WDPCP: variants seen among roughly 807,000 people sequenced by gnomAD.
The protein encoded by WDPCP is WD repeat containing planar cell polarity effector.
WDPCP carries 71 observed loss-of-function variants against 93.1 expected under a neutral mutation model. The observed-to-expected ratio is 0.76, with a 90% CI of 0.63 to 0.93. The LOEUF is 0.93. Ranked by LOEUF, WDPCP falls within the 40% of genes least tolerant of loss-of-function variation. WDPCP has a pLI of 0.00. For missense variants in WDPCP, 844 were observed against 887.4 expected, an observed-to-expected ratio of 0.95 and a Z score of 0.62; for synonymous variants, 315 against 315.0, an observed-to-expected ratio of 1.00 and a Z score of 0.00.
chr2:63,455,648 A>G (rs1698574837), intron 6 of WDPCP, among the ~76,000 whole-genome samples: 1 of 152,204 alleles, frequency 6.6e-6, no homozygotes, highest in Admixed American at 6.5e-5. Context: ...CTAAATATAT[A>G]TGCAACCAAC....
upstream of WDPCP, among the ~76,000 whole-genome samples, chr2:63,828,473 G>C (rs1026213251): frequency 1.3e-5 from 2 of 152,000 alleles, no homozygotes; most frequent in African/African-American, 4.8e-5. Flanking sequence ...TATCTATGTG[G>C]GGAGAGACCG....
At chr2:63,245,787 C>T (rs1274453664) in intron 14 of WDPCP, among the ~76,000 whole-genome samples, 1 of 151,984 alleles carries the variant, frequency 6.6e-6, no homozygotes, top group Non-Finnish European at 1.5e-5. Flanking sequence ...TAATTATGGG[C>T]ACATAATAGT....
intron 1 of WDPCP, among the ~76,000 whole-genome samples, chr2:63,546,190 CA>C (rs1327863836): frequency 6.6e-6 from 1 of 152,176 alleles, no homozygotes; most frequent in African/African-American, 2.4e-5. Flanking sequence ...AATGGGGTAA[CA>C]CTCATTACTG....
chr2:63,336,342 G>T (rs1688363040), intron 12 of WDPCP, among the ~76,000 whole-genome samples: 2 of 152,104 alleles, frequency 1.3e-5, no homozygotes, highest in Admixed American at 1.3e-4. Context: ...CAATTTAGGT[G>T]CTATTTCTTT....
At chr2:63,830,822 TTC>T (rs1413392918), upstream of WDPCP, among the ~76,000 whole-genome samples, 2 of 152,222 alleles carry the variant, frequency 1.3e-5, no homozygotes, top group Admixed American at 1.3e-4. Flanking sequence ...CACTTTTCTA[TTC>T]TGTGTCTTCT....
At chr2:63,819,170 A>C (rs181092282) in intron 1 of WDPCP, among the ~76,000 whole-genome samples, 1 of 152,160 alleles carries the variant, frequency 6.6e-6, no homozygotes, top group Non-Finnish European at 1.5e-5. Context: ...TCTGGGTTCA[A>C]ATCTTGGTTA....
In WDPCP at chr2:63,733,484, G is replaced by A. The variant is rs1430255309; in HGVS notation, n.308+80138C>T. ...CCCAAAGTGCTGGGATTACAGGCGT[G>A]AGCCACCGCGCCCGGCCGCCAAATA... On this transcript the variant is annotated intron_variant and non_coding_transcript_variant, in intron 2 of 4. Transcript: ENST00000467687. 3.4e-5 allele frequency among the ~76,000 whole-genome samples: 5 copies of A among 146,670 alleles called. 1 individual carries two copies. The highest frequency in any genetic ancestry group is 1.0e-4 in the African/African-American group (4 of 39,884).
chr2:63,390,133 G>C (rs1319285916), intron 10 of WDPCP, among the ~76,000 whole-genome samples: 1 of 151,922 alleles, frequency 6.6e-6, no homozygotes, highest in Non-Finnish European at 1.5e-5. Flanking sequence ...TAAAATTGAC[G>C]ACATAATTAG....
chr2:63,177,864 T>C (rs892622121), intron 14 of WDPCP, among the ~76,000 whole-genome samples: 9 of 152,162 alleles, frequency 5.9e-5, no homozygotes, highest in African/African-American at 2.2e-4. Flanking sequence ...TTTTCATGTA[T>C]AGCCTTTATT....
At chr2:63,641,180 T>C (rs1709976676) in intron 3 of WDPCP, among the ~76,000 whole-genome samples, 1 of 152,210 alleles carries the variant, frequency 6.6e-6, no homozygotes, top group Non-Finnish European at 1.5e-5. Context: ...TAGTACTCCA[T>C]TGTGTATATG....
At chr2:63,217,962 G>T (rs1677491896) in intron 14 of WDPCP, among the ~76,000 whole-genome samples, 1 of 152,172 alleles carries the variant, frequency 6.6e-6, no homozygotes, top group African/African-American at 2.4e-5. Flanking sequence ...CCTTAAGGTT[G>T]CCTCTGTGGA....
At chr2:63,434,013 G>C (rs1281281586) in intron 8 of WDPCP, 77 bp from the exon 9 acceptor site, 3 of 1,454,346 alleles carry the variant, frequency 2.1e-6, no homozygotes, top group Non-Finnish European at 2.8e-6. Context: ...AAAAATTAAA[G>C]CATCTGGAAA....
chr2:63,418,474 A>G (rs1695593607), intron 9 of WDPCP, among the ~76,000 whole-genome samples: 1 of 152,220 alleles, frequency 6.6e-6, no homozygotes, highest in Admixed American at 6.5e-5. Flanking sequence ...TCCATGAGGC[A>G]TGCTTATTGT....
chr2:63,490,279 G>C (rs1700802834), intron 2 of WDPCP, among the ~76,000 whole-genome samples: 1 of 152,058 alleles, frequency 6.6e-6, no homozygotes, highest in Admixed American at 6.6e-5. Flanking sequence ...TTAATTTCCT[G>C]ATTTCAATGG....
chr2:63,507,551 C>A (rs1416582669), intron 1 of WDPCP, among the ~76,000 whole-genome samples: 1 of 151,814 alleles, frequency 6.6e-6, no homozygotes, highest in Non-Finnish European at 1.5e-5. Context: ...ATATAGAATC[C>A]AGGAAGGGAA....
chr2:63,588,387 T>G lies in WDPCP; in HGVS notation c.-116A>C, dbSNP rs1244731535. 3 of 1,226,766 alleles carry G rather than the reference T, an allele frequency of 2.4e-6. No homozygotes were observed. Among genetic ancestry groups the G allele is most frequent in the African/African-American group, 1.5e-5 (1 of 66,774 alleles). The allele number at this position is 1,226,766 out of a possible 1,614,324, so 76.0% of individuals were successfully genotyped here. On this transcript the variant is annotated 5_prime_UTR_variant, in exon 1 of 18. Coordinates refer to ENST00000272321, the MANE Select transcript of WDPCP (RefSeq NM_015910.7). ...GGACGCCGCCGCCGCCGCCACAGTT[T>G]CCTCAGGTGCTACAAAGCAGCCAGG...
chr2:63,605,271 C>A, intron 3 of WDPCP: 2 of 1,587,392 alleles, frequency 1.3e-6, no homozygotes, highest in South Asian at 2.2e-5. Context: ...TCACCTGCCC[C>A]CTTCCCAGAC....
At chr2:63,661,101 T>G (rs1209239107) in intron 2 of WDPCP, among the ~76,000 whole-genome samples, 1 of 152,208 alleles carries the variant, frequency 6.6e-6, no homozygotes, top group Non-Finnish European at 1.5e-5. Context: ...TCCCCAAAAT[T>G]TACTGGCTTA....
chr2:63,382,228 T>C, intron 10 of WDPCP, 134 bp from the exon 11 acceptor site: 1 of 798,518 alleles, frequency 1.3e-6, no homozygotes, highest in Non-Finnish European at 2.0e-6. Context: ...GATCTCCTTC[T>C]CAACTAATAT....
Sources: gnomAD v4.1 joint callset for allele counts (sites outside exome capture counted in the v4.1 genomes callset) on GRCh38, gnomAD v4.1.1 for gene constraint, MANE v1.5 for transcripts, NCBI Gene and HGNC (gene_info 2026-07-23, HGNC 2026-07-21) for gene names.